Variants in RASGRF2 observed in about 807,000 individuals in gnomAD.
RASGRF2 encodes the protein Ras protein specific guanine nucleotide releasing factor 2.
Under a neutral mutation model 151.0 loss-of-function variants are expected in RASGRF2, and 76 were observed. The observed-to-expected ratio is 0.50, with a 90% CI of 0.42 to 0.61. RASGRF2 has a LOEUF of 0.61. Among genes scored for constraint, RASGRF2 ranks in the 20% least tolerant of loss-of-function variants. The pLI is 0.00. For missense variants in RASGRF2, 1,148 were observed against 1,564.6 expected (o/e 0.73, Z 4.49); for synonymous variants, 504 against 566.5 (o/e 0.89, Z 1.57).
chr5:81,177,402 A>G (rs1754799852), intron 17 of RASGRF2, among the ~76,000 whole-genome samples: 1 of 151,912 alleles, frequency 6.6e-6, no homozygotes, highest in Non-Finnish European at 1.5e-5. Context: ...GGCCTTTAGA[A>G]ACTTAGAGAT....
At chr5:81,146,384 A>G (rs1754006053) in intron 17 of RASGRF2, among the ~76,000 whole-genome samples, 1 of 150,606 alleles carries the variant, frequency 6.6e-6, no homozygotes. Flanking sequence ...CATTCTATGT[A>G]CCCTAGCAGC....
At chr5:81,064,692 C>T (rs574472017) in intron 2 of RASGRF2, among the ~76,000 whole-genome samples, 43 of 152,244 alleles carry the variant, frequency 2.8e-4, no homozygotes, top group Middle Eastern at 3.4e-3. Flanking sequence ...CATGTGTCAG[C>T]TTCCTTTTCA....
At chr5:81,078,489 C>CATGTG (rs1751999886) in intron 5 of RASGRF2, among the ~76,000 whole-genome samples, 1 of 152,180 alleles carries the variant, frequency 6.6e-6, no homozygotes, top group African/African-American at 2.4e-5. Flanking sequence ...TGAGTGAGAA[C>CATGTG]ATGTGATACT....
intron 1 of RASGRF2, among the ~76,000 whole-genome samples, chr5:80,966,083 T>G (rs1747712345): frequency 6.7e-6 from 1 of 149,638 alleles, no homozygotes; most frequent in African/African-American, 2.5e-5. Context: ...GGATATATGT[T>G]TGTGTGTGTG....
rs367863163 is a variant in RASGRF2, at chr5:81,121,665, C to T, written c.2471-1977C>T. On this transcript the variant is annotated intron_variant, in intron 15 of 26. Coordinates refer to ENST00000265080, the MANE Select transcript of RASGRF2 (RefSeq NM_006909.3). ...GACTCATCCAACATTCACTAATACCCTCTCTTCTCATTACCAGTCAGTTTC... is the reference window on the plus strand; with the variant it reads ...GACTCATCCAACATTCACTAATACCTTCTCTTCTCATTACCAGTCAGTTTC... 6.4e-4 allele frequency among the ~76,000 whole-genome samples: 97 copies of T among 152,264 alleles called. 1 individual carries two copies. Among genetic ancestry groups the T allele is most frequent in the African/African-American group, 2.3e-3 (96 of 41,538 alleles).
At chr5:81,174,584 G>A (rs778724303) in intron 17 of RASGRF2, among the ~76,000 whole-genome samples, 14 of 152,234 alleles carry the variant, frequency 9.2e-5, no homozygotes, top group Non-Finnish European at 1.5e-4. Context: ...ATGTTTCATA[G>A]CAAAGCACAA....
At chr5:81,004,838 T>C (rs1350749036) in intron 1 of RASGRF2, among the ~76,000 whole-genome samples, 1 of 152,234 alleles carries the variant, frequency 6.6e-6, no homozygotes, top group East Asian at 1.9e-4. Context: ...TGATAATCTA[T>C]GTAGCTGATT....
chr5:81,194,741 AG>A (rs1314881895), intron 18 of RASGRF2, among the ~76,000 whole-genome samples: 3 of 152,028 alleles, frequency 2.0e-5, no homozygotes, highest in African/African-American at 7.2e-5. Context: ...GGCGTCCCCA[AG>A]GGGGGCCCCT....
intron 17 of RASGRF2, among the ~76,000 whole-genome samples, chr5:81,149,159 G>C (rs1381800021): frequency 6.6e-6 from 1 of 152,180 alleles, no homozygotes; most frequent in Admixed American, 6.5e-5. Context: ...GTCATTATAT[G>C]ACAAAGACAC....
intron 17 of RASGRF2, among the ~76,000 whole-genome samples, chr5:81,166,088 G>A (rs1156940300): frequency 6.6e-6 from 1 of 152,132 alleles, no homozygotes; most frequent in Non-Finnish European, 1.5e-5. Flanking sequence ...GTATAGAATT[G>A]GTGTTGCCTG....
chr5:80,961,878 T>G (rs987423328), intron 1 of RASGRF2, among the ~76,000 whole-genome samples: 3 of 152,178 alleles, frequency 2.0e-5, no homozygotes, highest in African/African-American at 7.2e-5. Context: ...CCAATCACCG[T>G]TTGGTTATTA....
chr5:81,114,118 A>T (rs990922194), intron 15 of RASGRF2, among the ~76,000 whole-genome samples, 198 bp downstream of exon 15: 1 of 152,224 alleles, frequency 6.6e-6, no homozygotes, highest in African/African-American at 2.4e-5. Flanking sequence ...AAGCAAGATT[A>T]GTTGTCCTTA....
At chr5:81,144,556 T>C (rs1753959936) in intron 17 of RASGRF2, among the ~76,000 whole-genome samples, 1 of 152,164 alleles carries the variant, frequency 6.6e-6, no homozygotes, top group African/African-American at 2.4e-5. Context: ...GAGGTGAAGC[T>C]CCCAAAGCTT....
chr5:81,068,854 G>A (rs1343050409), intron 3 of RASGRF2, among the ~76,000 whole-genome samples: 2 of 152,124 alleles, frequency 1.3e-5, no homozygotes, highest in African/African-American at 4.8e-5. Context: ...CCTCAGTCTA[G>A]ATAGAGAATC....
intron 18 of RASGRF2, among the ~76,000 whole-genome samples, chr5:81,188,153 C>T (rs1755072923): frequency 6.6e-6 from 1 of 152,176 alleles, no homozygotes; most frequent in Non-Finnish European, 1.5e-5. Flanking sequence ...CATCCGGGCT[C>T]GTGTCAGTTG....
intron 1 of RASGRF2, among the ~76,000 whole-genome samples, chr5:80,984,462 CTTACTT>C (rs1340563204): frequency 3.0e-4 from 46 of 152,306 alleles, no homozygotes; most frequent in African/African-American, 1.1e-3. Flanking sequence ...GATGTAAACT[CTTACTT>C]TTAAATAAAG....
chr5:81,075,452 G>C (rs191905494), intron 5 of RASGRF2, among the ~76,000 whole-genome samples: 1 of 152,276 alleles, frequency 6.6e-6, no homozygotes, highest in Admixed American at 6.5e-5. Context: ...AGCGGGTTGT[G>C]TTTCTCAGAA....
intron 7 of RASGRF2, among the ~76,000 whole-genome samples, chr5:81,083,273 T>TA (rs1266895884): frequency 1.2e-5 from 1 of 80,044 alleles, no homozygotes; most frequent in African/African-American, 4.3e-5. Flanking sequence ...TTCTCACTTT[T>TA]TTTTTTTTTT....
intron 17 of RASGRF2, among the ~76,000 whole-genome samples, chr5:81,171,613 A>G (rs986251360): frequency 2.2e-4 from 34 of 151,918 alleles, no homozygotes; most frequent in African/African-American, 7.5e-4. Context: ...CATTTGCTGT[A>G]TTTTCAAAGG....
Sources: allele counts gnomAD v4.1 joint callset (sites outside exome capture counted in the v4.1 genomes callset), GRCh38; gene constraint gnomAD v4.1.1; transcripts MANE v1.5; gene names NCBI Gene and HGNC (gene_info 2026-07-23, HGNC 2026-07-21).